Variants in ITGA8 observed in about 807,000 individuals in gnomAD.
The protein encoded by ITGA8 is integrin alpha-8.
In ITGA8, 91 loss-of-function variants were observed where a neutral mutation model predicts 142.3. The observed-to-expected ratio is 0.64, with a 90% CI of 0.54 to 0.76. The LOEUF (loss-of-function observed/expected upper bound fraction) is 0.76. Ranked by LOEUF, ITGA8 falls within the 30% of genes least tolerant of loss-of-function variation. The probability of loss-of-function intolerance (pLI) is 0.00; values close to 1 mark genes in which losing one functional copy is unlikely to be tolerated. For missense variants in ITGA8, 1,406 were observed against 1,327.7 expected, an observed-to-expected ratio of 1.06 and a Z score of -0.92; for synonymous variants, 505 against 485.2, an observed-to-expected ratio of 1.04 and a Z score of -0.54.
At chr10:15,676,425 C>T (rs1834631613) in intron 6 of ITGA8, among the ~76,000 whole-genome samples, 1 of 152,132 alleles carries the variant, frequency 6.6e-6, no homozygotes, top group African/African-American at 2.4e-5. Context: ...ACAAAACACA[C>T]CTGTCCACAG....
intron 17 of ITGA8, among the ~76,000 whole-genome samples, chr10:15,607,398 G>A (rs1833214262): frequency 6.6e-6 from 1 of 152,116 alleles, no homozygotes; most frequent in Non-Finnish European, 1.5e-5. Context: ...TTTTGGGGAG[G>A]AGGTGGGTAG....
chr10:15,682,557 T>A (rs1280602753), intron 4 of ITGA8, among the ~76,000 whole-genome samples: 1 of 152,074 alleles, frequency 6.6e-6, no homozygotes, highest in African/African-American at 2.4e-5. Context: ...CTAAAAGCCA[T>A]CAGGTTAAAT....
chr10:15,673,850 C>T (rs938335053), intron 6 of ITGA8, among the ~76,000 whole-genome samples: 1 of 148,754 alleles, frequency 6.7e-6, no homozygotes, highest in African/African-American at 2.6e-5. Flanking sequence ...TGTCAGAAGT[C>T]TTGAAATACG....
intron 28 of ITGA8, among the ~76,000 whole-genome samples, chr10:15,525,282 A>C (rs1369870788): frequency 6.6e-6 from 1 of 152,202 alleles, no homozygotes; most frequent in Non-Finnish European, 1.5e-5. Flanking sequence ...GCCCTTGATC[A>C]GCACTGCCCA....
At chr10:15,661,423 G>A (rs576755203) in intron 8 of ITGA8, among the ~76,000 whole-genome samples, 1 of 152,302 alleles carries the variant, frequency 6.6e-6, no homozygotes, top group East Asian at 1.9e-4. Flanking sequence ...TAGAGGGTTG[G>A]AAGTTTGAAG....
chr10:15,529,833 C>A (rs758689350), intron 28 of ITGA8, among the ~76,000 whole-genome samples: 2 of 152,152 alleles, frequency 1.3e-5, no homozygotes, highest in Non-Finnish European at 2.9e-5. Context: ...CTTGACCATG[C>A]CTAGGAATGC....
chr10:15,665,113 C>G (rs1192285714), intron 8 of ITGA8, among the ~76,000 whole-genome samples: 2 of 152,168 alleles, frequency 1.3e-5, no homozygotes, highest in East Asian at 3.9e-4. Flanking sequence ...AATGGTTGAA[C>G]TAGTTTACAG....
chr10:15,572,192 G>T lies in ITGA8; in HGVS notation c.2637+19C>A. ...TAAAAATAAAATCAACAAAGCCACT[G>T]ATTAGACCAGACTCCTACCTTTATA... On this transcript the variant is annotated intron_variant, in intron 25 of 29. Transcript: ENST00000378076. The T allele has an allele frequency of 6.3e-7, 1 of 1,590,288 alleles. No homozygotes were observed. Among genetic ancestry groups the T allele is most frequent in the Middle Eastern group, 1.7e-4 (1 of 5,922 alleles).
At chr10:15,662,326 C>CTTTTTTTTTT (rs200922550) in intron 8 of ITGA8, among the ~76,000 whole-genome samples, 2 of 72,724 alleles carry the variant, frequency 2.8e-5, no homozygotes, top group East Asian at 6.9e-4. Context: ...TCAGAAGGTC[C>CTTTTTTTTTT]TTTTTTTTTT....
At chr10:15,601,675 A>G (rs1206125479) in intron 20 of ITGA8, among the ~76,000 whole-genome samples, 1 of 152,204 alleles carries the variant, frequency 6.6e-6, no homozygotes, top group East Asian at 1.9e-4. Flanking sequence ...AAAATCACCA[A>G]AAGGAAATAT....
intron 26 of ITGA8, among the ~76,000 whole-genome samples, chr10:15,555,004 A>G (rs537864695): frequency 2.6e-5 from 4 of 152,280 alleles, no homozygotes; most frequent in South Asian, 2.1e-4. Context: ...CAGGGATTCA[A>G]TTTCTTGAGC....
intron 26 of ITGA8, among the ~76,000 whole-genome samples, chr10:15,552,204 T>TC (rs1833803226): frequency 1.3e-5 from 2 of 152,098 alleles, no homozygotes. Flanking sequence ...TGGTGCCATC[T>TC]CAGCGCACTA....
At chr10:15,622,744 A>T (rs559942087) in intron 13 of ITGA8, among the ~76,000 whole-genome samples, 1 of 152,222 alleles carries the variant, frequency 6.6e-6, no homozygotes, top group Non-Finnish European at 1.5e-5. Flanking sequence ...AAAAGTTAAC[A>T]TTGATTATTA....
At chr10:15,550,704 G>A (rs1833779180) in intron 26 of ITGA8, among the ~76,000 whole-genome samples, 1 of 152,186 alleles carries the variant, frequency 6.6e-6, no homozygotes, top group Non-Finnish European at 1.5e-5. Context: ...ATGAGAGAAA[G>A]TCTATATGAA....
chr10:15,625,613 A>G (rs1479608892), intron 13 of ITGA8, among the ~76,000 whole-genome samples: 2 of 152,202 alleles, frequency 1.3e-5, no homozygotes, highest in Admixed American at 6.5e-5. Flanking sequence ...CCTATTGATA[A>G]AAACCTAATG....
At chr10:15,658,515 C>T (rs958396098) in intron 10 of ITGA8, among the ~76,000 whole-genome samples, 1 of 149,634 alleles carries the variant, frequency 6.7e-6, no homozygotes, top group Admixed American at 6.7e-5. Context: ...CTCTGCTCTT[C>T]ACACATGTCT....
chr10:15,645,481 G>A (rs1410047747), intron 12 of ITGA8, among the ~76,000 whole-genome samples: 2 of 152,178 alleles, frequency 1.3e-5, no homozygotes, highest in Non-Finnish European at 2.9e-5. Flanking sequence ...GCTTTACAGA[G>A]TAGCAAGTCA....
At position 15,514,558 on chromosome 10, in the gene ITGA8, A is replaced by G. The variant is rs1370932605; in HGVS notation, c.*2600T>C. ...GCTGGGATTACAGGAGACTGCCACC[A>G]CGCCCAGCTAATTTTTGTATTTTTA... On this transcript the variant is annotated 3_prime_UTR_variant, in exon 30 of 30. Coordinates refer to ENST00000378076, the MANE Select transcript of ITGA8 (RefSeq NM_003638.3). 6.6e-6 allele frequency: 1 copy of G among 151,982 alleles called. No individual in the cohort carries two copies. Among genetic ancestry groups the G allele is most frequent in the Non-Finnish European group, 1.5e-5 (1 of 68,062 alleles). The allele number at this position is 151,982 out of a possible 1,614,324, so 9.4% of individuals were successfully genotyped here.
intron 22 of ITGA8, 24 bp downstream of exon 22, chr10:15,592,201 G>A (rs1195801472): frequency 2.6e-6 from 4 of 1,558,340 alleles, no homozygotes; most frequent in South Asian, 1.1e-5. Flanking sequence ...TGCTGTCAAC[G>A]ATATAGGCAT....
Sources: allele counts gnomAD v4.1 joint callset (sites outside exome capture counted in the v4.1 genomes callset), GRCh38; gene constraint gnomAD v4.1.1; transcripts MANE v1.5; gene names NCBI Gene and HGNC (gene_info 2026-07-23, HGNC 2026-07-21).